GNAL: variants seen among roughly 807,000 people sequenced by gnomAD.
GNAL encodes the protein G protein subunit alpha L.
Under a neutral mutation model 55.1 loss-of-function variants are expected in GNAL, and 18 were observed. The ratio of observed to expected loss-of-function variants is 0.33; its 90% CI spans 0.23 to 0.48. The LOEUF (loss-of-function observed/expected upper bound fraction) is 0.48, where lower values mean the gene tolerates loss of function less well. Among genes scored for constraint, GNAL ranks in the 20% least tolerant of loss-of-function variants. The probability of loss-of-function intolerance (pLI) is 0.99; values close to 1 mark genes in which losing one functional copy is unlikely to be tolerated. For synonymous variants in GNAL, 253 were observed against 237.0 expected, an observed-to-expected ratio of 1.07 and a Z score of -0.62; for missense variants, 412 against 614.1, an observed-to-expected ratio of 0.67 and a Z score of 3.48.
intron 6 of GNAL, among the ~76,000 whole-genome samples, chr18:11,863,362 C>A (rs2036190755): frequency 6.6e-6 from 1 of 152,126 alleles, no homozygotes; most frequent in African/African-American, 2.4e-5. Context: ...CCAAACTTCC[C>A]CCAGAGTCTG....
Position 11,790,234 on chromosome 18 carries a change from C to T in GNAL, c.625-34684C>T, listed in dbSNP as rs146832882. On this transcript the variant is annotated intron_variant, in intron 4 of 11. Transcript: ENST00000334049. ...CAAGTGGGCAGGGGGTGTTCAGAGC[C>T]CTGCCCCTGGGGTCTCTGCACACCA... is the stretch of plus-strand genomic sequence containing the variant. 4.5e-3 allele frequency among the ~76,000 whole-genome samples: 686 copies of T among 152,200 alleles called. 6 individuals are homozygous for T. Among genetic ancestry groups the T allele is most frequent in the African/African-American group, 0.016 (651 of 41,522 alleles).
Position 11,847,030 on chromosome 18 carries a change from T to A in GNAL, c.723-15365T>A, listed in dbSNP as rs139298069. On this transcript the variant is annotated intron_variant, in intron 5 of 11. Coordinates refer to ENST00000334049, the MANE Select transcript of GNAL (RefSeq NM_182978.4). Reference sequence around the variant, plus strand: ...AAATTAATATTATATATGTATGTAATGTATAATATATATATACATATATGT... The same window carrying A: ...AAATTAATATTATATATGTATGTAAAGTATAATATATATATACATATATGT... 1.7e-3 allele frequency among the ~76,000 whole-genome samples: 258 copies of A among 151,366 alleles called. 7 individuals carry two copies. In the East Asian group the frequency reaches 0.041, roughly 24 times the overall value.
chr18:11,702,686 A>G (rs2031601411), intron 1 of GNAL, among the ~76,000 whole-genome samples: 1 of 152,054 alleles, frequency 6.6e-6, no homozygotes, highest in Non-Finnish European at 1.5e-5. Flanking sequence ...AGACAAAGGT[A>G]TCAACCAGCC....
intron 4 of GNAL, 97 bp downstream of exon 4, chr18:11,754,042 T>C (rs1275643861): frequency 1.1e-6 from 1 of 889,532 alleles, no homozygotes; most frequent in East Asian, 2.4e-5. Context: ...TAATTCATTA[T>C]TAACTTTCTT....
intron 1 of GNAL, among the ~76,000 whole-genome samples, chr18:11,697,055 A>G (rs1292852503): frequency 6.6e-6 from 1 of 152,244 alleles, no homozygotes; most frequent in African/African-American, 2.4e-5. Flanking sequence ...ACAGGAGTAA[A>G]TGAAATTAAT....
chr18:11,828,878 T>C (rs1353194654), intron 5 of GNAL, among the ~76,000 whole-genome samples: 1 of 152,180 alleles, frequency 6.6e-6, no homozygotes, highest in Admixed American at 6.5e-5. Context: ...TCTATTCTCA[T>C]ATGGTTGTGG....
rs148471755 is a variant in GNAL, at chr18:11,884,452, G to A, written c.*3317G>A. On this transcript the variant is annotated 3_prime_UTR_variant, in exon 12 of 12. Transcript: ENST00000334049. ...TATAATGGCGCCTGCTCTTCATCTTGTCTTACGCTTTCCGAGCAAGTTCAA... is the reference window on the plus strand; with the variant it reads ...TATAATGGCGCCTGCTCTTCATCTTATCTTACGCTTTCCGAGCAAGTTCAA... 3.7e-6 allele frequency: 6 copies of A among 1,613,852 alleles called. No individual in the cohort carries two copies. Among genetic ancestry groups the A allele is most frequent in the South Asian group, 1.1e-5 (1 of 91,074 alleles).
In GNAL at chr18:11,822,138, G is replaced by T. The variant is rs534236090; in HGVS notation, c.625-2780G>T. Among the ~76,000 whole-genome samples the T allele has an allele frequency of 9.8e-5, 15 of 152,298 alleles. No individual in the cohort carries two copies. The South Asian group carries it at 1.0e-3, about 11-fold the overall frequency. On this transcript the variant is annotated intron_variant, in intron 4 of 11. Transcript: ENST00000334049. ...CCGGAGAGGCCCAGGGGCTTAGCGCGCCTGGCTTTCCACAGCCCGGCTTCG... is the reference window on the plus strand; with the variant it reads ...CCGGAGAGGCCCAGGGGCTTAGCGCTCCTGGCTTTCCACAGCCCGGCTTCG...
At chr18:11,873,248 C>T (rs2036439726) in intron 10 of GNAL, among the ~76,000 whole-genome samples, 1 of 152,148 alleles carries the variant, frequency 6.6e-6, no homozygotes, top group Non-Finnish European at 1.5e-5. Flanking sequence ...ATTTTTTATC[C>T]TCAATGAAGA....
At position 11,715,514 on chromosome 18, in the gene GNAL, G is replaced by A. The variant is rs145497713; in HGVS notation, c.376+25575G>A. 4.7e-3 allele frequency among the ~76,000 whole-genome samples: 714 copies of A among 151,986 alleles called. 2 individuals carry two copies. Among genetic ancestry groups the A allele is most frequent in the Non-Finnish European group, 7.3e-3 (495 of 67,960 alleles). On this transcript the variant is annotated intron_variant, in intron 1 of 11. Transcript: ENST00000334049. The stretch of plus-strand genomic sequence containing the variant: ...CAAATGAGCACAGGGATTGCTAAGC[G>A]GGTTGCAAGTTTAAATAAAGTGGTC...
chr18:11,844,676 A>G (rs568425514), intron 5 of GNAL, among the ~76,000 whole-genome samples: 2 of 152,186 alleles, frequency 1.3e-5, no homozygotes, highest in South Asian at 4.2e-4. Flanking sequence ...TTTTCCCTCC[A>G]CCACCATCTA....
chr18:11,775,057 C>G (rs549660382), intron 4 of GNAL, among the ~76,000 whole-genome samples: 1 of 152,192 alleles, frequency 6.6e-6, no homozygotes, highest in Admixed American at 6.5e-5. Context: ...CAGCCCAGTG[C>G]GAGGCAGAGA....
chr18:11,732,428 G>C (rs1454122727), intron 1 of GNAL, among the ~76,000 whole-genome samples: 1 of 151,994 alleles, frequency 6.6e-6, no homozygotes, highest in Non-Finnish European at 1.5e-5. Flanking sequence ...TAATAATGTT[G>C]AGTATCATTT....
At chr18:11,879,226 G>A (rs2036604317) in intron 11 of GNAL, among the ~76,000 whole-genome samples, 1 of 151,734 alleles carries the variant, frequency 6.6e-6, no homozygotes, top group African/African-American at 2.4e-5. Context: ...CCCGTGAGGA[G>A]TTTCATACCT....
intron 4 of GNAL, among the ~76,000 whole-genome samples, chr18:11,771,225 A>G (rs1039114638): frequency 1.3e-4 from 19 of 151,856 alleles, no homozygotes; most frequent in African/African-American, 1.7e-4. Context: ...TAAAAAAAAA[A>G]AAAAAAGAAA....
chr18:11,714,719 G>A (rs1259896237), intron 1 of GNAL, among the ~76,000 whole-genome samples: 4 of 152,220 alleles, frequency 2.6e-5, no homozygotes, highest in African/African-American at 9.6e-5. Context: ...GGGGAGATAG[G>A]TGACCTATCT....
intron 10 of GNAL, among the ~76,000 whole-genome samples, chr18:11,873,079 C>T (rs188239269): frequency 3.3e-4 from 50 of 152,282 alleles, no homozygotes; most frequent in East Asian, 5.8e-4. Context: ...CGTTTCCAGT[C>T]GCTTACACTT....
At chr18:11,791,509 G>A (rs1250578478) in intron 4 of GNAL, among the ~76,000 whole-genome samples, 1 of 152,114 alleles carries the variant, frequency 6.6e-6, no homozygotes, top group Non-Finnish European at 1.5e-5. Context: ...TCTCCCCTGG[G>A]TGTTTCTCTT....
intron 4 of GNAL, among the ~76,000 whole-genome samples, chr18:11,792,638 C>G (rs1006025112): frequency 6.6e-6 from 1 of 152,268 alleles, no homozygotes; most frequent in African/African-American, 2.4e-5. Context: ...AAGGGCACCT[C>G]TTTCTCATTC....
Sources: gnomAD v4.1 joint callset for allele counts (sites outside exome capture counted in the v4.1 genomes callset) on GRCh38, gnomAD v4.1.1 for gene constraint, MANE v1.5 for transcripts, NCBI Gene and HGNC (gene_info 2026-07-23, HGNC 2026-07-21) for gene names.